Variants in STK31 observed in about 807,000 individuals in gnomAD.
STK31 encodes the protein serine/threonine-protein kinase 31.
In STK31, 89 loss-of-function variants were observed where a neutral mutation model predicts 129.7. The observed-to-expected ratio is 0.69, with a 90% confidence interval of 0.58 to 0.82. The LOEUF is 0.82. Ranked by LOEUF, STK31 falls within the 40% of genes least tolerant of loss-of-function variation. The probability of loss-of-function intolerance (pLI) is 0.00; values close to 1 mark genes in which losing one functional copy is unlikely to be tolerated. For missense variants in STK31, 1,187 were observed against 1,176.4 expected, an observed-to-expected ratio of 1.01 and a Z score of -0.13; for synonymous variants, 448 against 395.3, an observed-to-expected ratio of 1.13 and a Z score of -1.58.
intron 15 of STK31, among the ~76,000 whole-genome samples, 167 bp from the exon 16 acceptor site, chr7:23,781,252 T>G (rs1201089700): frequency 6.6e-6 from 1 of 152,232 alleles, no homozygotes; most frequent in Non-Finnish European, 1.5e-5. Context: ...ATTGTTAGAA[T>G]AAATTGACCT....
intron 17 of STK31, among the ~76,000 whole-genome samples, chr7:23,785,213 A>C (rs1312747519): frequency 6.6e-6 from 1 of 152,158 alleles, no homozygotes; most frequent in Non-Finnish European, 1.5e-5. Flanking sequence ...CCTAGGATGC[A>C]TGTCTGGTTG....
In STK31 at chr7:23,752,776, T is replaced by C; in HGVS notation, c.1077T>C (p.Tyr359=). 1 of 1,613,830 alleles carries C rather than the reference T, an allele frequency of 6.2e-7. No individual in the cohort carries two copies. Among genetic ancestry groups the C allele is most frequent in the Non-Finnish European group, 8.5e-7 (1 of 1,179,908 alleles). The change falls in exon 9 of 24, where the codon TAT becomes TAC. Residue 359 remains tyrosine, a synonymous_variant. Transcript: ENST00000355870. The stretch of plus-strand genomic sequence containing the variant: ...ACTTAGAATACACTCTGAAGACCTA[T>C]ATAGATACCAGAATGAAAAATCTGG... ...TNHLEYTLKT[Y]IDTRMKNLAA... is the part of the protein sequence containing the mutation.
At chr7:23,773,096 C>A (rs1790303986) in intron 15 of STK31, among the ~76,000 whole-genome samples, 1 of 152,024 alleles carries the variant, frequency 6.6e-6, no homozygotes, top group African/African-American at 2.4e-5. Context: ...GCAGAATGTG[C>A]AGGTTTGTTA....
chr7:23,779,990 C>T (rs1355463855), intron 15 of STK31, among the ~76,000 whole-genome samples: 1 of 152,202 alleles, frequency 6.6e-6, no homozygotes, highest in East Asian at 1.9e-4. Context: ...GAATCTCCTG[C>T]TCTGTGGGTT....
In STK31 at chr7:23,790,844, C is replaced by T; in HGVS notation, c.2658C>T (p.Asn886=). Residue 886 remains asparagine, a synonymous_variant, in exon 22 of 24, where the codon AAC becomes AAT. Coordinates refer to ENST00000355870, the MANE Select transcript of STK31 (RefSeq NM_031414.5). ...TGCAGAGTCAGCGAGCCTCGGTGAACATGATGGTTGGTGACTTGAGTTTGA... is the reference window on the plus strand; with the variant it reads ...TGCAGAGTCAGCGAGCCTCGGTGAATATGATGGTTGGTGACTTGAGTTTGA... ...TKSVSQRASV[N]MMVGDLSLMS... 1 of 1,603,042 alleles carries T rather than the reference C, an allele frequency of 6.2e-7. No individual in the cohort carries two copies. The highest frequency in any genetic ancestry group is 8.5e-7 in the Non-Finnish European group (1 of 1,176,376).
chr7:23,785,381 G>C, intron 17 of STK31, 97 bp from the exon 18 acceptor site: 1 of 1,506,472 alleles, frequency 6.6e-7, no homozygotes, highest in East Asian at 2.3e-5. Context: ...AGTTGATGGT[G>C]TCCAAGTCAT....
chr7:23,718,588 G>A (rs1425642032), intron 4 of STK31, among the ~76,000 whole-genome samples: 1 of 152,090 alleles, frequency 6.6e-6, no homozygotes, highest in Non-Finnish European at 1.5e-5. Context: ...AAATCATGGA[G>A]TATGTAGTTT....
At chr7:23,800,469 A>G (rs2128120126) in intron 22 of STK31, among the ~76,000 whole-genome samples, 1 of 152,272 alleles carries the variant, frequency 6.6e-6, no homozygotes, top group Non-Finnish European at 1.5e-5. Context: ...ATTCTCAGCA[A>G]ACTAACACAG....
Position 23,769,167 on chromosome 7 carries a change from C to G in STK31, c.1589C>G (p.Thr530Ser). The change falls in exon 12 of 24, where the codon ACC becomes AGC. Residue 530 changes from threonine (T) to serine (S), a missense_variant. By Grantham distance (58) the Thr-to-Ser change is moderately conservative. Transcript: ENST00000355870. ...CGTCTTGTAGCATGGTTCCAAAGAA[C>G]CTTAAAGGTAATAAAAGCTCCTGCC... ...LHRLVAWFQR[T>S]LKVFDLSVEG... is the part of the protein sequence containing the mutation. 1 of 1,561,248 alleles carries G rather than the reference C, an allele frequency of 6.4e-7. No homozygotes were observed. The highest frequency in any genetic ancestry group is 1.3e-5 in the South Asian group (1 of 78,922).
intron 11 of STK31, among the ~76,000 whole-genome samples, chr7:23,764,393 A>G (rs1323426018): frequency 6.6e-6 from 1 of 152,198 alleles, no homozygotes; most frequent in African/African-American, 2.4e-5. Flanking sequence ...GGTCACCAAA[A>G]TATTCTTTAA....
At position 23,790,894 on chromosome 7, in the gene STK31, A is replaced by G. The variant is rs1290082212; in HGVS notation, c.2708A>G (p.Lys903Arg). Residue 903 changes from lysine (K) to arginine (R), a missense_variant, in exon 22 of 24, where the codon AAA (lysine) becomes AGA (arginine). Physicochemically the swap from Lys to Arg is conservative, Grantham distance 26. Around this residue, in one of 5 missense-constraint regions of STK31, gnomAD observed 975 missense variants for 934.9 expected, o/e 1.04. Coordinates refer to ENST00000355870, the MANE Select transcript of STK31 (RefSeq NM_031414.5). ...SLMSPELKMG[K>R]PASPGSDLYA... ...ATGTCACCTGAGTTGAAAATGGGAAAACCTGCTTCTCCAGGTTCAGACTTA... is the reference window on the plus strand; with the variant it reads ...ATGTCACCTGAGTTGAAAATGGGAAGACCTGCTTCTCCAGGTTCAGACTTA... The G allele has an allele frequency of 6.2e-7, 1 of 1,608,416 alleles. No homozygotes were observed. Among genetic ancestry groups the G allele is most frequent in the Admixed American group, 1.7e-5 (1 of 58,588 alleles).
rs117020636 is a variant in STK31, at chr7:23,712,863, A to T, written c.150+577A>T. Among the ~76,000 whole-genome samples the T allele has an allele frequency of 9.9e-3, 1,502 of 152,232 alleles. 10 individuals are homozygous for T. Among genetic ancestry groups the T allele is most frequent in the Non-Finnish European group, 0.015 (994 of 68,008 alleles). ...GTAAATTCCTCTGATGCACAGAACG[A>T]CCTGCTAATTTTTGGTTTTGTAAAC... On this transcript the variant is annotated intron_variant, in intron 3 of 23. Transcript: ENST00000355870.
intron 15 of STK31, 54 bp from the exon 16 acceptor site, chr7:23,781,365 A>G: frequency 7.4e-7 from 1 of 1,345,082 alleles, no homozygotes; most frequent in Non-Finnish European, 1.0e-6. Context: ...AATTCTTAAA[A>G]GAAGACTTGT....
chr7:23,785,750 G>C, intron 18 of STK31, 147 bp downstream of exon 18: 1 of 1,034,230 alleles, frequency 9.7e-7, no homozygotes, highest in South Asian at 2.2e-5. Context: ...TAGTTTGGTT[G>C]CCAGAACTAA....
At chr7:23,725,647 T>A (rs1787016671) in intron 4 of STK31, among the ~76,000 whole-genome samples, 1 of 152,166 alleles carries the variant, frequency 6.6e-6, no homozygotes, top group African/African-American at 2.4e-5. Flanking sequence ...ACTGGGTAAT[T>A]TATAAAGAAA....
intron 23 of STK31, among the ~76,000 whole-genome samples, chr7:23,827,597 G>A (rs531685612): frequency 1.1e-3 from 164 of 152,160 alleles, no homozygotes; most frequent in Non-Finnish European, 1.8e-3. Context: ...CTCTCAACTC[G>A]TCAAAGTCAT....
intron 1 of STK31, 29 bp from the exon 2 acceptor site, chr7:23,712,070 T>A: frequency 6.5e-7 from 1 of 1,548,740 alleles, no homozygotes. Context: ...TGGTGGATTA[T>A]TGTAATCTAA....
chr7:23,742,699 T>A (rs1450638726), intron 8 of STK31, among the ~76,000 whole-genome samples: 1 of 152,220 alleles, frequency 6.6e-6, no homozygotes, highest in East Asian at 1.9e-4. Flanking sequence ...AACCCTCTCC[T>A]TTCTTACTTC....
intron 22 of STK31, among the ~76,000 whole-genome samples, chr7:23,810,769 A>G (rs1170882650): frequency 9.3e-6 from 1 of 107,136 alleles, no homozygotes; most frequent in African/African-American, 4.9e-5. Context: ...TATAATATAT[A>G]AATATATATT....
Sources: allele counts gnomAD v4.1 joint callset (sites outside exome capture counted in the v4.1 genomes callset), GRCh38; gene constraint gnomAD v4.1.1; regional missense constraint gnomAD v4.1.1; transcripts MANE v1.5; gene names NCBI Gene and HGNC (gene_info 2026-07-23, HGNC 2026-07-21).